ING2: variants seen among roughly 807,000 people sequenced by gnomAD.
ING2 encodes the protein inhibitor of growth protein 2.
Under a neutral mutation model 30.6 loss-of-function variants are expected in ING2, and 7 were observed. The ratio of observed to expected loss-of-function variants is 0.23; its 90% CI spans 0.13 to 0.43. The LOEUF is 0.43. Among genes scored for constraint, ING2 ranks in the 20% least tolerant of loss-of-function variants. ING2 has a pLI of 1.00. For synonymous variants in ING2, 136 were observed against 121.7 expected (o/e 1.12, Z -0.78); for missense variants, 239 against 334.9 (o/e 0.71, Z 2.24).
At chr4:183,505,942 C>T (rs566797050) in intron 1 of ING2, 308 of 358,068 alleles carry the variant, frequency 8.6e-4, no homozygotes, top group African/African-American at 6.6e-3. Context: ...TCGCGGGCGC[C>T]CCGCGTTGTA....
In ING2 at chr4:183,510,367, C is replaced by T. The variant is rs1247028580; in HGVS notation, c.258C>T (p.Leu86=). 1 of 1,613,978 alleles carries T rather than the reference C, an allele frequency of 6.2e-7. No homozygotes were observed. The highest frequency in any genetic ancestry group is 8.5e-7 in the Non-Finnish European group (1 of 1,179,910). ...LNQKKRLQQL[L]QRALINSQEL... The stretch of plus-strand genomic sequence containing the variant: ...AGAAGAAACGTCTACAGCAGCTTCT[C>T]CAGAGAGCACTAATTAATAGTCAAG... Residue 86 remains leucine, a synonymous_variant, in exon 2 of 2, where the codon CTC becomes CTT. Coordinates refer to ENST00000302327, the MANE Select transcript of ING2 (RefSeq NM_001564.4).
chr4:183,508,465 G>A (rs547944742), intron 1 of ING2, among the ~76,000 whole-genome samples: 22 of 152,116 alleles, frequency 1.4e-4, no homozygotes, highest in South Asian at 6.2e-4. Flanking sequence ...CTAAGCAAAT[G>A]GAATAGACAT....
chr4:183,507,063 T>C (rs185604982), intron 1 of ING2, among the ~76,000 whole-genome samples: 43 of 152,294 alleles, frequency 2.8e-4, no homozygotes, highest in Non-Finnish European at 1.0e-4. Context: ...ATGGAACCTT[T>C]CTAGTTTTTC....
intron 1 of ING2, among the ~76,000 whole-genome samples, chr4:183,505,897 G>T (rs1288934761): frequency 6.6e-6 from 1 of 152,126 alleles, no homozygotes; most frequent in South Asian, 2.1e-4. Context: ...GCCCGGAGGA[G>T]AGCAGTCCGT....
intron 1 of ING2, chr4:183,506,129 T>G (rs1579167047): frequency 8.1e-7 from 1 of 1,227,642 alleles, no homozygotes; most frequent in Non-Finnish European, 1.1e-6. Context: ...AAATGGCTGG[T>G]CGCGAGAGGG....
chr4:183,507,958 C>T (rs936453395), intron 1 of ING2, among the ~76,000 whole-genome samples: 1 of 152,080 alleles, frequency 6.6e-6, no homozygotes, highest in African/African-American at 2.4e-5. Context: ...TGTTCCCACT[C>T]ATAATTTCTT....
intron 1 of ING2, chr4:183,505,958 A>C: frequency 2.2e-6 from 1 of 453,664 alleles, no homozygotes; most frequent in Non-Finnish European, 3.2e-6. Context: ...TTGTAGCCCT[A>C]GCCCAGTTCT....
Position 183,506,147 on chromosome 4 carries a change from C to T in ING2, c.172+780C>T, listed in dbSNP as rs948576985. On this transcript the variant is annotated intron_variant, in intron 1 of 1. Transcript: ENST00000302327. ...TGGCTGGTCGCGAGAGGGGCGGTGG[C>T]GAGCTGGCTGCTGGGGAGGGAGTCG... 4.8e-6 allele frequency: 6 copies of T among 1,255,650 alleles called. No homozygotes were observed. The African/African-American group carries it at 6.2e-5, about 13-fold the overall frequency. 77.8% of individuals were successfully genotyped at this position (1,255,650 alleles called of 1,614,324 possible).
Position 183,510,889 on chromosome 4 carries a change from A to T in ING2, c.780A>T (p.Gly260=). 1 of 1,611,216 alleles carries T rather than the reference A, an allele frequency of 6.2e-7. No individual in the cohort carries two copies. The highest frequency in any genetic ancestry group is 8.5e-7 in the Non-Finnish European group (1 of 1,178,052). ...AATGGTATTGCCCAAAGTGCAGGGGAGATAATGAGAAAACAATGGACAAAA... is the reference window on the plus strand; with the variant it reads ...AATGGTATTGCCCAAAGTGCAGGGGTGATAATGAGAAAACAATGGACAAAA... The part of the protein sequence containing the change: ...KGKWYCPKCR[G]DNEKTMDKST... The change falls in exon 2 of 2, where the codon GGA becomes GGT. Residue 260 remains glycine (G), a synonymous_variant. Transcript: ENST00000302327.
At chr4:183,509,448 C>CT (rs1303539730) in intron 1 of ING2, among the ~76,000 whole-genome samples, 5,646 of 142,686 alleles carry the variant, frequency 0.04, 155 homozygotes, top group East Asian at 0.16. Flanking sequence ...ATCTCTTATC[C>CT]TTTTTTTTTT....
At chr4:183,506,110 G>A (rs1734638519) in intron 1 of ING2, 3 of 1,195,368 alleles carry the variant, frequency 2.5e-6, no homozygotes, top group Non-Finnish European at 3.2e-6. Context: ...GCGTTCCCGC[G>A]GGCCTGGAAA....
Position 183,511,049 on chromosome 4 carries a change from A to C in ING2, c.*97A>C. 3.2e-6 allele frequency: 3 copies of C among 928,642 alleles called. No individual in the cohort carries two copies. Among genetic ancestry groups the C allele is most frequent in the Non-Finnish European group, 4.8e-6 (3 of 630,466 alleles). 57.5% of individuals were successfully genotyped at this position (928,642 alleles called of 1,614,324 possible). On this transcript the variant is annotated 3_prime_UTR_variant, in exon 2 of 2. Coordinates refer to ENST00000302327, the MANE Select transcript of ING2 (RefSeq NM_001564.4). ...GGTAAATGCATAAGACTATGCAATA[A>C]TTTTTAATCATTAGTATTAATGGTG...
chr4:183,510,942 G>T lies in ING2; in HGVS notation c.833G>T (p.Arg278Ile), dbSNP rs779344205. 1 of 1,590,622 alleles carries T rather than the reference G, an allele frequency of 6.3e-7. No homozygotes were observed. The highest frequency in any genetic ancestry group is 1.1e-5 in the South Asian group (1 of 88,646). ...ACTGAAAAGACAAAAAAGGATAGAAGATCGAGGTAGTAAAGGCCATCCACA... is the reference window on the plus strand; with the variant it reads ...ACTGAAAAGACAAAAAAGGATAGAATATCGAGGTAGTAAAGGCCATCCACA... ...KSTEKTKKDRRSR is the reference protein window; with the variant it reads ...KSTEKTKKDRISR Residue 278 changes from arginine (R) to isoleucine (I), a missense_variant, in exon 2 of 2, where the codon AGA (arginine) becomes ATA (isoleucine). By Grantham distance (97) the Arg-to-Ile change is moderately conservative (BLOSUM62 -3). Transcript: ENST00000302327.
chr4:183,508,354 T>G (rs1302668703), intron 1 of ING2, among the ~76,000 whole-genome samples: 1 of 150,830 alleles, frequency 6.6e-6, no homozygotes. Context: ...GTTTGCCTCT[T>G]TTTTTTTTAA....
chr4:183,507,480 A>G (rs996397777), intron 1 of ING2, among the ~76,000 whole-genome samples: 1 of 152,226 alleles, frequency 6.6e-6, no homozygotes. Flanking sequence ...GGTGAGGGAT[A>G]CTATAATTTG....
chr4:183,511,010 A>C lies in ING2; in HGVS notation c.*58A>C. 7.2e-7 allele frequency: 1 copy of C among 1,384,990 alleles called. No individual in the cohort carries two copies. The highest frequency in any genetic ancestry group is 9.7e-7 in the Non-Finnish European group (1 of 1,030,012). 85.8% of individuals were successfully genotyped at this position (1,384,990 alleles called of 1,614,324 possible). On this transcript the variant is annotated 3_prime_UTR_variant, in exon 2 of 2. Transcript: ENST00000302327. ...TCTTTTATATAATTCGTTTGCTTTCAGAAAATGTTTTAGGGTAAATGCATA... is the reference window on the plus strand; with the variant it reads ...TCTTTTATATAATTCGTTTGCTTTCCGAAAATGTTTTAGGGTAAATGCATA...
chr4:183,505,270 C>T lies in ING2; in HGVS notation c.75C>T (p.Thr25=). 1 of 1,588,736 alleles carries T rather than the reference C, an allele frequency of 6.3e-7. No homozygotes were observed. The highest frequency in any genetic ancestry group is 1.7e-5 in the Admixed American group (1 of 57,176). Residue 25 remains threonine, a synonymous_variant, in exon 1 of 2, where the codon ACC becomes ACT. Transcript: ENST00000302327. ...LLTGERSRLL[T]CYVQDYLECV... ...CCGGGGAGCGGAGCCGGCTGCTCAC[C>T]TGCTACGTGCAGGACTACCTTGAGT...
chr4:183,505,466 C>T (rs566833722), intron 1 of ING2, 99 bp downstream of exon 1: 43 of 1,241,074 alleles, frequency 3.5e-5, no homozygotes, highest in Admixed American at 3.1e-4. Flanking sequence ...TCCCCGAGCG[C>T]ACCGAGGGTC....
intron 1 of ING2, chr4:183,505,964 G>C: frequency 3.7e-6 from 2 of 537,150 alleles, no homozygotes; most frequent in South Asian, 2.9e-5. Context: ...CCCTAGCCCA[G>C]TTCTTTCGGC....
Sources: allele counts gnomAD v4.1 joint callset (sites outside exome capture counted in the v4.1 genomes callset), GRCh38; gene constraint gnomAD v4.1.1; transcripts MANE v1.5; gene names NCBI Gene and HGNC (gene_info 2026-07-23, HGNC 2026-07-21).